The following GBP7 variants were observed in gnomAD, a reference collection of about 807,000 sequenced individuals.
GBP7 encodes guanylate binding protein 7, also known as guanylate-binding protein 7.
Under a neutral mutation model 61.3 loss-of-function variants are expected in GBP7, and 43 were observed. That is an observed-to-expected ratio of 0.70 (90% CI 0.55 to 0.91). GBP7 has a LOEUF of 0.91. Ranked by LOEUF, GBP7 falls within the 40% of genes least tolerant of loss-of-function variation. The pLI is 0.00. For missense variants in GBP7, 717 were observed against 740.5 expected (o/e 0.97, Z 0.37); for synonymous variants, 267 against 271.0 (o/e 0.99, Z 0.14).
Position 89,171,822 on chromosome 1 carries a change from T to C in GBP7, c.114A>G (p.Val38=), listed in dbSNP as rs777348426. ...LEILSAITQP[V]VVVAIVGLYR... is the part of the protein sequence containing the mutation. ...AGAGGCCCACAATTGCCACCACTACTACAGGCTGTGTAATGGCAGACAGGA... is the reference window on the plus strand; with the variant it reads ...AGAGGCCCACAATTGCCACCACTACCACAGGCTGTGTAATGGCAGACAGGA... The change falls in exon 2 of 11, where the codon GTA becomes GTG. Residue 38 remains valine (V), a synonymous_variant. Coordinates refer to ENST00000294671, the MANE Select transcript of GBP7 (RefSeq NM_207398.3). The C allele has an allele frequency of 1.2e-6, 2 of 1,613,862 alleles. No homozygotes were observed. The highest frequency in any genetic ancestry group is 1.7e-6 in the Non-Finnish European group (2 of 1,179,928).
At position 89,149,484 on chromosome 1, in the gene GBP7, C is replaced by T; in HGVS notation, c.960G>A (p.Gln320=). ...TCTGCACGGCTGCTGAGTTCTCACA[C>T]TGGGCCAGAACTGCCATTGCATTCT... ...CLENAMAVLA[Q]CENSAAVQRA... The change falls in exon 7 of 11, where the codon CAG becomes CAA. Residue 320 remains glutamine (Q), a synonymous_variant. Coordinates refer to ENST00000294671, the MANE Select transcript of GBP7 (RefSeq NM_207398.3). 5 of 1,614,178 alleles carry T rather than the reference C, an allele frequency of 3.1e-6. No individual in the cohort carries two copies. The highest frequency in any genetic ancestry group is 4.2e-6 in the Non-Finnish European group (5 of 1,180,026).
intron 1 of GBP7, among the ~76,000 whole-genome samples, chr1:89,175,582 T>C (rs1322284167): frequency 6.6e-6 from 1 of 152,184 alleles, no homozygotes; most frequent in African/African-American, 2.4e-5. Context: ...CCTACCTTCA[T>C]TTACCTAGAG....
Position 89,147,738 on chromosome 1 carries a change from A to C in GBP7, c.1194T>G (p.Asn398Lys), listed in dbSNP as rs760166894. ...GACAATATTTGGCAGATGCCTCTTC[A>C]TTCTGCAGCACAAAGTCTTCCTTCT... ...EKKKEDFVLQ[N>K]EEASAKYCQA... The change falls in exon 8 of 11, where the codon AAT (asparagine) becomes AAG (lysine). Residue 398 changes from asparagine (N) to lysine (K), a missense_variant. Physicochemically the swap from Asn to Lys is moderately conservative, Grantham distance 94. This residue lies in a region of GBP7 where 312 missense variants were observed against 310.1 expected (regional missense o/e 1.01). Transcript: ENST00000294671. 5.0e-6 allele frequency: 8 copies of C among 1,614,062 alleles called. No individual in the cohort carries two copies. In the African/African-American group the frequency reaches 1.1e-4, roughly 22 times the overall value.
intron 6 of GBP7, 97 bp from the exon 7 acceptor site, chr1:89,149,669 C>A (rs537733649): frequency 2.9e-6 from 3 of 1,046,196 alleles, no homozygotes; most frequent in African/African-American, 1.6e-5. Flanking sequence ...GAAAAAATTC[C>A]ATTTAACATG....
intron 3 of GBP7, among the ~76,000 whole-genome samples, chr1:89,159,275 C>T (rs1682381496): frequency 6.6e-6 from 1 of 152,134 alleles, no homozygotes; most frequent in South Asian, 2.1e-4. Flanking sequence ...AAAACCTAGG[C>T]AATACCATTC....
At chr1:89,143,803 C>G (rs1682007427) in intron 8 of GBP7, among the ~76,000 whole-genome samples, 1 of 152,206 alleles carries the variant, frequency 6.6e-6, no homozygotes, top group South Asian at 2.1e-4. Flanking sequence ...GATCTTCCCC[C>G]ATGATCCAAA....
intron 10 of GBP7, 112 bp downstream of exon 10, chr1:89,133,146 A>G: frequency 1.3e-6 from 1 of 759,998 alleles, no homozygotes; most frequent in South Asian, 1.7e-5. Context: ...TAAGTGAAAT[A>G]TATCTTTTGT....
At position 89,149,282 on chromosome 1, in the gene GBP7, C is replaced by A; in HGVS notation, c.1152+10G>T. On this transcript the variant is annotated intron_variant, in intron 7 of 10. Coordinates refer to ENST00000294671, the MANE Select transcript of GBP7 (RefSeq NM_207398.3). Reference sequence around the variant, plus strand: ...CAGGAATCAAGAAAAAAAAAAATAACAAAGATTACCACAAGCTTCTTCTGA... The same window carrying A: ...CAGGAATCAAGAAAAAAAAAAATAAAAAAGATTACCACAAGCTTCTTCTGA... 1 of 1,572,022 alleles carries A rather than the reference C, an allele frequency of 6.4e-7. No homozygotes were observed. Among genetic ancestry groups the A allele is most frequent in the Non-Finnish European group, 8.6e-7 (1 of 1,159,656 alleles).
intron 5 of GBP7, 101 bp downstream of exon 5, chr1:89,152,167 A>G: frequency 1.9e-6 from 2 of 1,028,904 alleles, no homozygotes; most frequent in Admixed American, 2.2e-5. Context: ...AAGGGCCTCA[A>G]TCCAGTCCAA....
At position 89,155,086 on chromosome 1, in the gene GBP7, CAG is replaced by C. The variant is rs202028827; in HGVS notation, c.319-2311_319-2310del. Among the ~76,000 whole-genome samples the C allele has an allele frequency of 3.9e-5, 6 of 152,250 alleles. No individual in the cohort carries two copies. The East Asian group carries it at 9.6e-4, about 24-fold the overall frequency. ...CCTCCACTGGTGATACCCAGGCAAA[CAG>C]GGTCTGGAGTGGACCTCCAGCAAAC... is the stretch of plus-strand genomic sequence containing the variant. On this transcript the variant is annotated intron_variant, in intron 3 of 10. Transcript: ENST00000294671.
chr1:89,141,469 A>G (rs1450741589), intron 9 of GBP7, 77 bp downstream of exon 9: 18 of 1,293,964 alleles, frequency 1.4e-5, no homozygotes, highest in Non-Finnish European at 1.8e-5. Context: ...GTATAAGGAA[A>G]ATCCTTTTTT....
intron 5 of GBP7, among the ~76,000 whole-genome samples, chr1:89,151,276 G>T (rs1251835644): frequency 6.6e-6 from 1 of 152,108 alleles, no homozygotes; most frequent in Non-Finnish European, 1.5e-5. Context: ...TTTTGAAATA[G>T]AATCCATATA....
intron 4 of GBP7, 60 bp downstream of exon 4, chr1:89,152,608 T>C: frequency 1.9e-6 from 3 of 1,540,348 alleles, no homozygotes; most frequent in South Asian, 2.3e-5. Flanking sequence ...GAAGACACAG[T>C]ATCAGTTTCC....
At chr1:89,170,425 A>G (rs1030699524) in intron 2 of GBP7, among the ~76,000 whole-genome samples, 2 of 152,196 alleles carry the variant, frequency 1.3e-5, no homozygotes, top group African/African-American at 2.4e-5. Context: ...TGACTTAATA[A>G]TGAATTCCAG....
chr1:89,165,366 C>G (rs768565584), intron 2 of GBP7, among the ~76,000 whole-genome samples: 2 of 151,810 alleles, frequency 1.3e-5, no homozygotes, highest in African/African-American at 4.8e-5. Flanking sequence ...CAGGCATGGT[C>G]GTGCACGCCT....
In GBP7 at chr1:89,149,503, G is replaced by C; in HGVS notation, c.941C>G (p.Ala314Gly). The change falls in exon 7 of 11, where the codon GCA becomes GGA. Residue 314 changes from alanine (A) to glycine (G), a missense_variant. Physicochemically the swap from Ala to Gly is moderately conservative, Grantham distance 60 (BLOSUM62 0). Transcript: ENST00000294671. ...CTCACACTGGGCCAGAACTGCCATT[G>C]CATTCTCCAGACAAGGAGTCGCTCC... Reference protein sequence around the residue: ...NSGATPCLENAMAVLAQCENS... With the variant: ...NSGATPCLENGMAVLAQCENS... 1.2e-6 allele frequency: 2 copies of C among 1,613,988 alleles called. No homozygotes were observed. The highest frequency in any genetic ancestry group is 4.5e-5 in the East Asian group (2 of 44,874).
rs1011919817 is a variant in GBP7 at position 89,175,911 on chromosome 1, A to G, written c.-20+10T>C. ...ATAAATCATGAAATCCTTATAAGTCATAGTCTTACCCAGAGTAGAGATCCT... is the reference window on the plus strand; with the variant it reads ...ATAAATCATGAAATCCTTATAAGTCGTAGTCTTACCCAGAGTAGAGATCCT... On this transcript the variant is annotated intron_variant, in intron 1 of 10. Coordinates refer to ENST00000294671, the MANE Select transcript of GBP7 (RefSeq NM_207398.3). 4 of 152,212 alleles carry G rather than the reference A, an allele frequency of 2.6e-5. No homozygotes were observed. The highest frequency in any genetic ancestry group is 5.9e-5 in the Non-Finnish European group (4 of 68,052). The allele number at this position is 152,212 out of a possible 1,614,324, so 9.4% of individuals were successfully genotyped here.
At chr1:89,159,678 G>T (rs1682391363) in intron 3 of GBP7, among the ~76,000 whole-genome samples, 1 of 152,196 alleles carries the variant, frequency 6.6e-6, no homozygotes, top group Non-Finnish European at 1.5e-5. Flanking sequence ...TGTCACACCA[G>T]TTAGAATGGC....
At chr1:89,158,534 A>T (rs539357200) in intron 3 of GBP7, among the ~76,000 whole-genome samples, 16 of 152,200 alleles carry the variant, frequency 1.1e-4, no homozygotes, top group Non-Finnish European at 2.1e-4. Context: ...AAATCAATGT[A>T]CAAAAATCAC....
Sources: gnomAD v4.1 joint callset for allele counts (sites outside exome capture counted in the v4.1 genomes callset) on GRCh38, gnomAD v4.1.1 for gene constraint, gnomAD v4.1.1 regional missense constraint, MANE v1.5 for transcripts, NCBI Gene and HGNC (gene_info 2026-07-23, HGNC 2026-07-21) for gene names.